The following RNF145 variants were observed in gnomAD, a reference collection of about 807,000 sequenced individuals.
RNF145 encodes the protein ring finger protein 145.
Under a neutral mutation model 57.3 loss-of-function variants are expected in RNF145, and 12 were observed. The observed-to-expected ratio is 0.21, with a 90% CI of 0.13 to 0.34. The LOEUF is 0.34. RNF145 is among the 10% of genes least tolerant of loss of function. RNF145 has a pLI of 1.00. For missense variants in RNF145, 429 were observed against 799.0 expected (o/e 0.54, Z 5.58); for synonymous variants, 262 against 288.3 (o/e 0.91, Z 0.92).
intron 6 of RNF145, among the ~76,000 whole-genome samples, chr5:159,173,206 T>G (rs1784610684): frequency 6.6e-6 from 1 of 152,190 alleles, no homozygotes; most frequent in Admixed American, 6.6e-5. Flanking sequence ...CAAAAATTTG[T>G]AAACTTTCTT....
At chr5:159,199,943 C>T (rs1785604286) in intron 2 of RNF145, among the ~76,000 whole-genome samples, 1 of 152,190 alleles carries the variant, frequency 6.6e-6, no homozygotes, top group East Asian at 1.9e-4. Context: ...TTGCTCCCTC[C>T]CTTAATTTTT....
In RNF145 at chr5:159,183,931, T is replaced by C. The variant is rs865839717; in HGVS notation, c.294-1880A>G. Among the ~76,000 whole-genome samples the C allele has an allele frequency of 9.2e-5, 14 of 152,348 alleles. No homozygotes were observed. The Middle Eastern group carries it at 0.01, about 111-fold the overall frequency. On this transcript the variant is annotated intron_variant, in intron 3 of 10. Transcript: ENST00000424310. ...GGTGACAGCTGCACAACATTATGAA[T>C]GTACTATATGCCACTGAACTGCTCA...
chr5:159,178,217 C>A (rs1447474341), intron 4 of RNF145, among the ~76,000 whole-genome samples: 1 of 151,786 alleles, frequency 6.6e-6, no homozygotes, highest in Non-Finnish European at 1.5e-5. Flanking sequence ...AAAATTAATA[C>A]ATTTGATTTA....
chr5:159,159,488 G>A lies in RNF145; in HGVS notation c.1627-453C>T, dbSNP rs528511744. Among the ~76,000 whole-genome samples the A allele has an allele frequency of 8.5e-5, 13 of 152,218 alleles. No homozygotes were observed. In the East Asian group the frequency reaches 1.9e-3, roughly 23 times the overall value. On this transcript the variant is annotated intron_variant, in intron 10 of 10. Coordinates refer to ENST00000424310, the MANE Select transcript of RNF145 (RefSeq NM_001199383.2). ...AAATTATTGGCAAAGAGACAAAATC[G>A]GCCATATAATACCAGGGTATTGGCA... is the stretch of plus-strand genomic sequence containing the variant.
At chr5:159,209,755 G>GAGAC, upstream of RNF145, 1 of 1,268,118 alleles carries the variant, frequency 7.9e-7, no homozygotes, top group Non-Finnish European at 1.1e-6. Context: ...GCGTACTGCA[G>GAGAC]AGACACCTGG....
At chr5:159,164,159 A>G (rs2113087769) in intron 8 of RNF145, among the ~76,000 whole-genome samples, 1 of 152,282 alleles carries the variant, frequency 6.6e-6, no homozygotes, top group South Asian at 2.1e-4. Context: ...TAATTCAGAG[A>G]AGAAAGTTAA....
intron 3 of RNF145, among the ~76,000 whole-genome samples, chr5:159,190,222 A>AG (rs1233515361): frequency 6.6e-6 from 1 of 152,202 alleles, no homozygotes; most frequent in East Asian, 1.9e-4. Flanking sequence ...TTTGTAGAGA[A>AG]GGGGTTTCAC....
At chr5:159,173,476 G>A (rs2113126488) in intron 6 of RNF145, among the ~76,000 whole-genome samples, 1 of 152,262 alleles carries the variant, frequency 6.6e-6, no homozygotes, top group South Asian at 2.1e-4. Context: ...TTCGAACTCA[G>A]GTGGGTCTGA....
chr5:159,199,741 C>T (rs181004742), intron 2 of RNF145, among the ~76,000 whole-genome samples: 2 of 152,174 alleles, frequency 1.3e-5, no homozygotes, highest in African/African-American at 4.8e-5. Context: ...TAGAATTAAG[C>T]ACCATATCTA....
chr5:159,180,642 A>G (rs535253844), intron 4 of RNF145, among the ~76,000 whole-genome samples: 17 of 152,152 alleles, frequency 1.1e-4, no homozygotes, highest in Non-Finnish European at 1.9e-4. Flanking sequence ...TTCAAAAAGT[A>G]AAAAGAAACA....
intron 1 of RNF145, among the ~76,000 whole-genome samples, chr5:159,208,565 C>G (rs1785985673): frequency 6.6e-6 from 1 of 152,054 alleles, no homozygotes; most frequent in South Asian, 2.1e-4. Flanking sequence ...GGACGGGATG[C>G]AGAGCAATGG....
chr5:159,169,282 T>C (rs904341952), intron 7 of RNF145, among the ~76,000 whole-genome samples: 2 of 152,146 alleles, frequency 1.3e-5, no homozygotes, highest in African/African-American at 2.4e-5. Flanking sequence ...TACCACACAA[T>C]GAGGGCAAAA....
chr5:159,159,629 G>A (rs956962347), intron 10 of RNF145, among the ~76,000 whole-genome samples: 2 of 151,980 alleles, frequency 1.3e-5, no homozygotes, highest in Non-Finnish European at 2.9e-5. Flanking sequence ...CATAGTCTTG[G>A]GCCACCCAAG....
Position 159,161,424 on chromosome 5 carries a change from T to A in RNF145, c.1468A>T (p.Ile490Phe). ...ACGTTATAGTAGGAATGAATGAAGA[T>A]GATCATTGAGCCCATCACTGTCCAT... The part of the protein sequence containing the change: ...GEWTVMGSMI[I>F]FIHSYYNVWL... The change falls in exon 10 of 11, where the codon ATC becomes TTC. Residue 490 changes from isoleucine (I) to phenylalanine (F), a missense_variant. Transcript: ENST00000424310. 1 of 1,614,172 alleles carries A rather than the reference T, an allele frequency of 6.2e-7. No individual in the cohort carries two copies. Among genetic ancestry groups the A allele is most frequent in the Non-Finnish European group, 8.5e-7 (1 of 1,180,030 alleles).
At chr5:159,205,938 A>G (rs1178884312) in intron 1 of RNF145, among the ~76,000 whole-genome samples, 1 of 152,170 alleles carries the variant, frequency 6.6e-6, no homozygotes, top group African/African-American at 2.4e-5. Context: ...ACAAATAACT[A>G]ATCCTGCTTT....
chr5:159,207,458 C>A, intron 1 of RNF145: 2 of 1,494,088 alleles, frequency 1.3e-6, no homozygotes, highest in South Asian at 1.2e-5. Context: ...AAAAGAAAAA[C>A]AAAAATCATC....
chr5:159,170,395 G>A (rs1048004871), intron 6 of RNF145, among the ~76,000 whole-genome samples: 2 of 152,108 alleles, frequency 1.3e-5, no homozygotes, highest in African/African-American at 4.8e-5. Context: ...TTTGCTCCAA[G>A]ACTATTGAAA....
At chr5:159,201,605 C>CT (rs1562076385) in intron 2 of RNF145, among the ~76,000 whole-genome samples, 1 of 152,158 alleles carries the variant, frequency 6.6e-6, no homozygotes. Context: ...GCACAAAACT[C>CT]TATTTCATAA....
At chr5:159,184,359 T>G (rs1784991944) in intron 3 of RNF145, among the ~76,000 whole-genome samples, 2 of 152,210 alleles carry the variant, frequency 1.3e-5, no homozygotes, top group African/African-American at 4.8e-5. Context: ...TAACTAACAT[T>G]CTCTGTTGCT....
Sources: allele counts gnomAD v4.1 joint callset (sites outside exome capture counted in the v4.1 genomes callset), GRCh38; gene constraint gnomAD v4.1.1; transcripts MANE v1.5; gene names NCBI Gene and HGNC (gene_info 2026-07-23, HGNC 2026-07-21).